The following PACS2 variants were observed in gnomAD, a reference collection of about 807,000 sequenced individuals.
The protein encoded by PACS2 is phosphofurin acidic cluster sorting protein 2.
In PACS2, 36 loss-of-function variants were observed where a neutral mutation model predicts 113.0. That is an observed-to-expected ratio of 0.32 (90% confidence interval 0.24 to 0.42). The LOEUF (loss-of-function observed/expected upper bound fraction) is 0.42. Ranked by LOEUF, PACS2 falls within the 10% of genes least tolerant of loss-of-function variation. The pLI is 1.00. For synonymous variants in PACS2, 589 were observed against 536.1 expected, an observed-to-expected ratio of 1.10 and a Z score of -1.36; for missense variants, 1,015 against 1,239.5, an observed-to-expected ratio of 0.82 and a Z score of 2.72.
At chr14:105,378,393 GT>G (rs1356095292) in intron 9 of PACS2, among the ~76,000 whole-genome samples, 1 of 152,164 alleles carries the variant, frequency 6.6e-6, no homozygotes, top group African/African-American at 2.4e-5. Context: ...AGTCCCGTCT[GT>G]TTTTTTAGGG....
intron 1 of PACS2, among the ~76,000 whole-genome samples, chr14:105,342,644 G>A (rs587644817): frequency 8.6e-5 from 13 of 152,020 alleles, no homozygotes; most frequent in African/African-American, 2.9e-4. Flanking sequence ...TGCAAGTATC[G>A]TCTGGTAGGC....
rs781905333 is a variant in PACS2 at position 105,389,975 on chromosome 14, C to T, written c.2048C>T (p.Ser683Phe). ...CTTGCTCTTAGCCCTGACGAAGAGT[C>T]CTCCCAAAAGTTCATTCCCTTTGTC... ...FDFTLSPDEE[S>F]SQKFIPFVGV... is the part of the protein sequence containing the mutation. The change falls in exon 20 of 25, where the codon TCC becomes TTC. Residue 683 changes from serine to phenylalanine, a missense_variant. This residue lies in a region of PACS2 where 859 missense variants were observed against 1,056.8 expected (regional missense o/e 0.81). Transcript: ENST00000447393. 3 of 1,613,946 alleles carry T rather than the reference C, an allele frequency of 1.9e-6. No homozygotes were observed. The highest frequency in any genetic ancestry group is 2.5e-6 in the Non-Finnish European group (3 of 1,179,870).
In PACS2 at chr14:105,358,601, C is replaced by T. The variant is rs1347571908; in HGVS notation, c.423+3424C>T. Among the ~76,000 whole-genome samples the T allele has an allele frequency of 3.3e-5, 5 of 152,108 alleles. No individual in the cohort carries two copies. Among genetic ancestry groups the T allele is most frequent in the Non-Finnish European group, 7.4e-5 (5 of 68,014 alleles). On this transcript the variant is annotated intron_variant, in intron 4 of 24. Coordinates refer to ENST00000447393, the MANE Select transcript of PACS2 (RefSeq NM_001100913.3). The surrounding 1 kb of genome is among the most constrained non-coding windows in gnomAD (Gnocchi z 4.9). Reference sequence around the variant, plus strand: ...CTGAGGCTGGGGCCTGTGGGCTCCCCGACAAGACAGGAAGGTTGACAGACC... The same window carrying T: ...CTGAGGCTGGGGCCTGTGGGCTCCCTGACAAGACAGGAAGGTTGACAGACC...
intron 2 of PACS2, among the ~76,000 whole-genome samples, chr14:105,351,937 T>C (rs1555404052): frequency 6.6e-6 from 1 of 152,238 alleles, no homozygotes; most frequent in African/African-American, 2.4e-5. Flanking sequence ...GCAGGAGGAT[T>C]GCTTGAGCCC....
In PACS2 at chr14:105,340,799, G is replaced by A. The variant is rs2059693389; in HGVS notation, c.120-7694G>A. 6.6e-6 allele frequency among the ~76,000 whole-genome samples: 1 copy of A among 152,260 alleles called. No individual in the cohort carries two copies. The highest frequency in any genetic ancestry group is 6.5e-5 in the Admixed American group (1 of 15,290). ...GCTGGCCAGGGGCATCTCCTGTCCTGGCTTGGCTTCTGCCCCTGGGTCCGT... is the reference window on the plus strand; with the variant it reads ...GCTGGCCAGGGGCATCTCCTGTCCTAGCTTGGCTTCTGCCCCTGGGTCCGT... On this transcript the variant is annotated intron_variant, in intron 1 of 24. Coordinates refer to ENST00000447393, the MANE Select transcript of PACS2 (RefSeq NM_001100913.3). This position sits in a 1 kb window ranked among gnomAD's most constrained non-coding sequence, Gnocchi z 4.2.
rs1297964596 is a variant in PACS2, at chr14:105,315,164, G to A, written c.119+127G>A. On this transcript the variant is annotated intron_variant, in intron 1 of 24. Coordinates refer to ENST00000447393, the MANE Select transcript of PACS2 (RefSeq NM_001100913.3). The surrounding 1 kb of genome is among the most constrained non-coding windows in gnomAD (Gnocchi z 4.4). The stretch of plus-strand genomic sequence containing the variant: ...AGCCCAGGTCGCCCCCCGCGCCCCC[G>A]CCCGCCGGTTCGACGCGTGCAGCCG... 2 of 484,788 alleles carry A rather than the reference G, an allele frequency of 4.1e-6. No homozygotes were observed. The highest frequency in any genetic ancestry group is 8.6e-5 in the South Asian group (1 of 11,646). 30.0% of individuals were successfully genotyped at this position (484,788 alleles called of 1,614,324 possible).
intron 7 of PACS2, among the ~76,000 whole-genome samples, chr14:105,369,365 G>A (rs1376482283): frequency 6.6e-6 from 1 of 152,222 alleles, no homozygotes; most frequent in Non-Finnish European, 1.5e-5. Flanking sequence ...TCCCCGAGAG[G>A]GTGGCTGAGG....
chr14:105,338,570 G>C (rs587622267), intron 1 of PACS2, among the ~76,000 whole-genome samples: 2 of 152,158 alleles, frequency 1.3e-5, no homozygotes, highest in Non-Finnish European at 2.9e-5. Flanking sequence ...TGTGATCCTT[G>C]CTGGGTTCTC....
chr14:105,349,566 T>C (rs587650275), intron 2 of PACS2, among the ~76,000 whole-genome samples: 2 of 152,348 alleles, frequency 1.3e-5, no homozygotes, highest in African/African-American at 4.8e-5. Flanking sequence ...CCTCGGCCAG[T>C]GTGGCTGAGG....
At chr14:105,384,853 C>A (rs1555413159) in intron 17 of PACS2, 26 bp from the exon 18 acceptor site, 1 of 1,431,370 alleles carries the variant, frequency 7.0e-7, no homozygotes, top group Non-Finnish European at 9.6e-7. Flanking sequence ...ACCAGCCTAA[C>A]CCCCCACCGC....
At chr14:105,377,001 C>A (rs930655413) in intron 9 of PACS2, 76 bp downstream of exon 9, 9 of 1,443,080 alleles carry the variant, frequency 6.2e-6, no homozygotes, top group Middle Eastern at 1.8e-4. Context: ...CTCTGGCAGA[C>A]CCATGTCCAG....
intron 15 of PACS2, chr14:105,383,114 C>G (rs2081050422): frequency 3.2e-6 from 2 of 624,888 alleles, no homozygotes; most frequent in Non-Finnish European, 5.7e-6. Context: ...GGGTGTCCTG[C>G]CACACTGGAG....
intron 1 of PACS2, among the ~76,000 whole-genome samples, chr14:105,334,814 A>C (rs1400291763): frequency 6.6e-6 from 1 of 152,112 alleles, no homozygotes; most frequent in Non-Finnish European, 1.5e-5. Flanking sequence ...CATAACGTGC[A>C]CTGCGGGGGG....
chr14:105,349,007 TGCCAGG>T (rs1555403287), intron 2 of PACS2, among the ~76,000 whole-genome samples: 1 of 152,214 alleles, frequency 6.6e-6, no homozygotes, highest in African/African-American at 2.4e-5. Flanking sequence ...CAGCCCCTGG[TGCCAGG>T]GCCTCTCTCC....
chr14:105,347,009 AC>A, intron 1 of PACS2, among the ~76,000 whole-genome samples: 1 of 46,384 alleles, frequency 2.2e-5, no homozygotes, highest in African/African-American at 9.5e-5. Flanking sequence ...CAGCTTCCCT[AC>A]CCCCGCCTGC....
intron 4 of PACS2, among the ~76,000 whole-genome samples, chr14:105,362,475 A>G (rs1221005214): frequency 6.6e-6 from 1 of 151,984 alleles, no homozygotes; most frequent in East Asian, 1.9e-4. Flanking sequence ...GGGGGTTTCC[A>G]ATTTACCTTG....
At chr14:105,319,544 A>C (rs2058808592) in intron 1 of PACS2, among the ~76,000 whole-genome samples, 1 of 152,224 alleles carries the variant, frequency 6.6e-6, no homozygotes, top group East Asian at 1.9e-4. Flanking sequence ...TTTCAAAGAA[A>C]TCAGTGATTT....
chr14:105,364,242 C>T (rs1363627574), intron 4 of PACS2, among the ~76,000 whole-genome samples: 1 of 151,942 alleles, frequency 6.6e-6, no homozygotes, highest in Non-Finnish European at 1.5e-5. Flanking sequence ...CAGCAAAGTG[C>T]AGCAGAGCAG....
At chr14:105,381,640 C>G (rs1255506009) in intron 12 of PACS2, among the ~76,000 whole-genome samples, 1 of 152,188 alleles carries the variant, frequency 6.6e-6, no homozygotes, top group East Asian at 1.9e-4. Flanking sequence ...CACGGTGGCT[C>G]CAAGCCTCCT....
Sources: gnomAD v4.1 joint callset for allele counts (sites outside exome capture counted in the v4.1 genomes callset) on GRCh38, gnomAD v4.1.1 for gene constraint, gnomAD v4.1.1 regional missense constraint, Gnocchi (gnomAD v3.1) non-coding constraint, MANE v1.5 for transcripts, NCBI Gene and HGNC (gene_info 2026-07-23, HGNC 2026-07-21) for gene names.